The following SATB1 variants were observed in gnomAD, a reference collection of about 807,000 sequenced individuals.
SATB1 encodes SATB homeobox 1.
In SATB1, 11 loss-of-function variants were observed where a neutral mutation model predicts 86.9. That is an observed-to-expected ratio of 0.13 (90% CI 0.08 to 0.21). The LOEUF (loss-of-function observed/expected upper bound fraction) is 0.21, where lower values mean the gene tolerates loss of function less well. Ranked by LOEUF, SATB1 falls within the 10% of genes least tolerant of loss-of-function variation. The pLI is 1.00. For missense variants in SATB1, 551 were observed against 937.6 expected (o/e 0.59, Z 5.39); for synonymous variants, 357 against 357.2 (o/e 1.00, Z 0.01).
intron 9 of SATB1, among the ~76,000 whole-genome samples, chr3:18,374,125 A>G (rs554278681): frequency 1.1e-4 from 17 of 152,310 alleles, no homozygotes; most frequent in African/African-American, 3.6e-4. Context: ...ATGAAAATCA[A>G]TGTAACAATT....
chr3:18,355,930 T>C (rs1384845713), intron 9 of SATB1, among the ~76,000 whole-genome samples: 1 of 151,978 alleles, frequency 6.6e-6, no homozygotes, highest in Non-Finnish European at 1.5e-5. Context: ...GGGCAAAATA[T>C]AAACAGTAGC....
At chr3:18,420,690 A>C (rs1037795733) in intron 2 of SATB1, 67 bp downstream of exon 2, 17 of 1,309,386 alleles carry the variant, frequency 1.3e-5, no homozygotes, top group Non-Finnish European at 3.3e-6. Context: ...CTCCACCCCC[A>C]CACAGTGTGG....
At chr3:18,370,515 C>CAAAAAAAAAAAAAAAAAAAAAAAAGAA (rs11391230) in intron 9 of SATB1, among the ~76,000 whole-genome samples, 1 of 49,446 alleles carries the variant, frequency 2.0e-5, no homozygotes, top group Non-Finnish European at 3.5e-5. Flanking sequence ...CTGAGAGAGG[C>CAAAAAAAAAAAAAAAAAAAAAAAAGAA]AAAAAAAAAA....
intron 9 of SATB1, among the ~76,000 whole-genome samples, chr3:18,373,993 T>C (rs1444154669): frequency 1.3e-5 from 2 of 152,188 alleles, no homozygotes; most frequent in Admixed American, 6.6e-5. Flanking sequence ...AATAAATACA[T>C]TGTTCAATAA....
Position 18,424,748 on chromosome 3 carries a change from A to G in SATB1, c.-1146T>C, listed in dbSNP as rs1239698616. ...CAATGGCACTAGGACTTTGGGGGAA[A>G]AGAAACCCAGAAACCCCGACAAAAC... On this transcript the variant is annotated 5_prime_UTR_variant, in exon 1 of 11. Transcript: ENST00000338745. 1 of 152,268 alleles carries G rather than the reference A, an allele frequency of 6.6e-6. No individual in the cohort carries two copies. Among genetic ancestry groups the G allele is most frequent in the Non-Finnish European group, 1.5e-5 (1 of 68,138 alleles). The allele number at this position is 152,268 out of a possible 1,614,324, so 9.4% of individuals were successfully genotyped here. A position where few individuals can be genotyped will look rare whatever the true frequency, so the allele number is the denominator to read the frequency against.
chr3:18,399,367 A>G, intron 5 of SATB1, among the ~76,000 whole-genome samples: 1 of 152,158 alleles, frequency 6.6e-6, no homozygotes, highest in Non-Finnish European at 1.5e-5. Context: ...GCCTACAAGA[A>G]GTTTACTATC....
chr3:18,368,625 C>T (rs902510973), intron 9 of SATB1, among the ~76,000 whole-genome samples: 29 of 152,128 alleles, frequency 1.9e-4, no homozygotes, highest in Non-Finnish European at 2.8e-4. Flanking sequence ...TACACCTTCT[C>T]TCAGTTGGAC....
chr3:18,392,720 GAATT>G (rs1696749377), intron 7 of SATB1, among the ~76,000 whole-genome samples: 1 of 151,806 alleles, frequency 6.6e-6, no homozygotes, highest in South Asian at 2.1e-4. Flanking sequence ...CTAGTACGGA[GAATT>G]ATTAGTACTT....
intron 5 of SATB1, among the ~76,000 whole-genome samples, chr3:18,407,263 C>T (rs1166746543): frequency 6.6e-6 from 1 of 152,066 alleles, no homozygotes. Context: ...CAGTCTTCCA[C>T]TTCCAATTTA....
At chr3:18,392,255 A>G (rs1393562328) in intron 7 of SATB1, among the ~76,000 whole-genome samples, 1 of 152,158 alleles carries the variant, frequency 6.6e-6, no homozygotes, top group Non-Finnish European at 1.5e-5. Context: ...TTTCAAAGAG[A>G]TTAATATGGT....
chr3:18,378,129 A>C, intron 9 of SATB1, 41 bp downstream of exon 9: 1 of 1,508,080 alleles, frequency 6.6e-7, no homozygotes, highest in Non-Finnish European at 8.8e-7. Flanking sequence ...TTCTACAGGC[A>C]ACACAGATAA....
Position 18,394,724 on chromosome 3 carries a change from T to C in SATB1, c.944A>G (p.Gln315Arg). The C allele has an allele frequency of 6.2e-7, 1 of 1,614,106 alleles. No individual in the cohort carries two copies. Among genetic ancestry groups the C allele is most frequent in the Non-Finnish European group, 8.5e-7 (1 of 1,180,026 alleles). ...PGLVSTPISP[Q>R]LVNQQLVMAQ... ...CATCACCAGCTGCTGGTTGACCAATTGAGGACTGATAGGTGTTGATACGAG... is the reference window on the plus strand; with the variant it reads ...CATCACCAGCTGCTGGTTGACCAATCGAGGACTGATAGGTGTTGATACGAG... The change falls in exon 7 of 11, where the codon CAA becomes CGA. Residue 315 changes from glutamine (Q) to arginine (R), a missense_variant. Gln to Arg is a conservative substitution (Grantham distance 43). Around this residue, in one of 8 missense-constraint regions of SATB1, gnomAD observed 119 missense variants for 171.1 expected, o/e 0.70. Coordinates refer to ENST00000338745, the MANE Select transcript of SATB1 (RefSeq NM_002971.6). This position sits in a 1 kb window ranked among gnomAD's most constrained non-coding sequence, Gnocchi z 5.9.
At chr3:18,375,117 G>A (rs930389993) in intron 9 of SATB1, among the ~76,000 whole-genome samples, 1 of 152,090 alleles carries the variant, frequency 6.6e-6, no homozygotes, top group Non-Finnish European at 1.5e-5. Flanking sequence ...ATGAAGAAAG[G>A]AAAGCCCTCA....
At position 18,360,525 on chromosome 3, in the gene SATB1, A is replaced by ATTT. The variant is rs113322645; in HGVS notation, c.1576-8333_1576-8331dup. Among the ~76,000 whole-genome samples, 31 of 147,670 alleles carry ATTT rather than the reference A, an allele frequency of 2.1e-4. 1 individual carries two copies. The South Asian group carries it at 3.4e-3, about 16-fold the overall frequency. On this transcript the variant is annotated intron_variant, in intron 9 of 10. Coordinates refer to ENST00000338745, the MANE Select transcript of SATB1 (RefSeq NM_002971.6). ...CTCTAATGGGAAAGCCCTTTCTCCT[A>ATTT]TTTTTTTTTTTGGTGCCCATTCAAA...
At position 18,417,124 on chromosome 3, in the gene SATB1, A is replaced by T. The variant is rs376280251; in HGVS notation, c.212-46T>A. 202 of 1,580,714 alleles carry T rather than the reference A, an allele frequency of 1.3e-4. No homozygotes were observed. The African/African-American group carries it at 2.5e-3, about 20-fold the overall frequency. On this transcript the variant is annotated intron_variant, in intron 2 of 10. Transcript: ENST00000338745. Reference sequence around the variant, plus strand: ...AAGAGATGGAAAACCAACAATCTTCAGAAATACAGCTTGGGGGTGGCGGGA... The same window carrying T: ...AAGAGATGGAAAACCAACAATCTTCTGAAATACAGCTTGGGGGTGGCGGGA...
intron 9 of SATB1, among the ~76,000 whole-genome samples, chr3:18,359,067 TCA>T (rs1215580465): frequency 6.6e-6 from 1 of 152,082 alleles, no homozygotes; most frequent in Non-Finnish European, 1.5e-5. Flanking sequence ...GAAGGAATAC[TCA>T]CAGTCACTGG....
chr3:18,415,972 G>A (rs372661022), intron 4 of SATB1, 35 bp downstream of exon 4: 4 of 1,532,596 alleles, frequency 2.6e-6, no homozygotes, highest in Non-Finnish European at 2.6e-6. Flanking sequence ...CAGGTAAGAA[G>A]AATGTTTCAC....
intron 7 of SATB1, among the ~76,000 whole-genome samples, chr3:18,393,876 T>C (rs1180162724): frequency 1.3e-5 from 2 of 152,192 alleles, no homozygotes; most frequent in Non-Finnish European, 2.9e-5. Flanking sequence ...GACAATAGCA[T>C]GAGGGAGCGC....
intron 2 of SATB1, among the ~76,000 whole-genome samples, chr3:18,434,383 GTATATA>G (rs530106615): frequency 6.8e-6 from 1 of 147,888 alleles, no homozygotes; most frequent in African/African-American, 2.6e-5. Flanking sequence ...GTAAGAATAA[GTATATA>G]TATATATATA....
Sources: gnomAD v4.1 joint callset for allele counts (sites outside exome capture counted in the v4.1 genomes callset) on GRCh38, gnomAD v4.1.1 for gene constraint, gnomAD v4.1.1 regional missense constraint, Gnocchi (gnomAD v3.1) non-coding constraint, MANE v1.5 for transcripts, NCBI Gene and HGNC (gene_info 2026-07-23, HGNC 2026-07-21) for gene names.